Variants in XKR9 observed in about 807,000 individuals in gnomAD.
XKR9 encodes the protein XK-related protein 9.
A neutral mutation model predicts 32.0 loss-of-function variants in XKR9; 32 were observed. The observed-to-expected ratio is 1.00, with a 90% CI of 0.76 to 1.34. The LOEUF (loss-of-function observed/expected upper bound fraction) is 1.34. XKR9 is among the 40% of genes most tolerant of loss of function. The pLI is 0.00. For synonymous variants in XKR9, 168 were observed against 143.4 expected, an observed-to-expected ratio of 1.17 and a Z score of -1.22; for missense variants, 546 against 429.7, an observed-to-expected ratio of 1.27 and a Z score of -2.39.
At chr8:70,833,362 T>G in the XKR9 span, among the ~76,000 whole-genome samples, 2 of 152,208 alleles carry the variant, frequency 1.3e-5, no homozygotes, top group African/African-American at 4.8e-5. Flanking sequence ...CTACATTGTT[T>G]ATTAGTATTC....
the XKR9 span, among the ~76,000 whole-genome samples, chr8:71,030,481 T>G: frequency 8.5e-5 from 13 of 152,270 alleles, no homozygotes; most frequent in South Asian, 6.2e-4. Flanking sequence ...GGCCAGCACT[T>G]TCATCACAGG....
chr8:70,847,429 G>T, the XKR9 span, among the ~76,000 whole-genome samples: 1 of 151,742 alleles, frequency 6.6e-6, no homozygotes, highest in Non-Finnish European at 1.5e-5. Context: ...CAAAGAACTA[G>T]AAAAGCAAGA....
rs2130191973 is a variant in XKR9, at chr8:70,754,743, A to G, written n.353-34596A>G. 2.0e-5 allele frequency among the ~76,000 whole-genome samples: 3 copies of G among 151,296 alleles called. No individual in the cohort carries two copies. The Middle Eastern group carries it at 0.01, about 518-fold the overall frequency. ...AGCTGAAACTGGATCCCTTCCTTAC[A>G]CCTTATACAAAAATTAATTCAAGAT... On this transcript the variant is annotated intron_variant and non_coding_transcript_variant, in intron 2 of 3. Transcript: ENST00000520273.
intron 2 of XKR9, among the ~76,000 whole-genome samples, chr8:70,758,389 A>C (rs776707682): frequency 5.9e-5 from 9 of 152,158 alleles, no homozygotes; most frequent in Non-Finnish European, 1.3e-4. Flanking sequence ...TCTGTACACT[A>C]GTCCCATCAA....
At chr8:70,776,954 T>TATATATATATATATAC (rs1286110884) in intron 2 of XKR9, among the ~76,000 whole-genome samples, 313 of 88,638 alleles carry the variant, frequency 3.5e-3, no homozygotes, top group Middle Eastern at 0.014. Context: ...TCTCTATATA[T>TATATATATATATATAC]ATATATATAT....
chr8:70,795,947 T>G, the XKR9 span, among the ~76,000 whole-genome samples: 2 of 152,134 alleles, frequency 1.3e-5, no homozygotes, highest in African/African-American at 4.8e-5. Context: ...CACTCAACAT[T>G]TGGTAGAAGT....
the XKR9 span, among the ~76,000 whole-genome samples, chr8:70,953,890 G>A: frequency 1.3e-5 from 2 of 152,100 alleles, no homozygotes; most frequent in East Asian, 1.9e-4. Flanking sequence ...GAGGCAAGGC[G>A]GTGGGAAAAC....
the XKR9 span, among the ~76,000 whole-genome samples, chr8:70,859,762 T>C: frequency 3.9e-5 from 6 of 152,106 alleles, no homozygotes; most frequent in African/African-American, 1.4e-4. Context: ...CACATATTCT[T>C]GATCACATTT....
At chr8:71,036,535 CAG>C in the XKR9 span, among the ~76,000 whole-genome samples, 15 of 151,976 alleles carry the variant, frequency 9.9e-5, no homozygotes, top group South Asian at 2.1e-4. Context: ...GGTCAAAGAA[CAG>C]GGGATAATTT....
At chr8:70,809,603 C>G in the XKR9 span, among the ~76,000 whole-genome samples, 6 of 152,106 alleles carry the variant, frequency 3.9e-5, no homozygotes, top group African/African-American at 1.4e-4. Flanking sequence ...CCTTAAAGGA[C>G]CTGATGGAGC....
At chr8:70,876,370 C>T in the XKR9 span, among the ~76,000 whole-genome samples, 6 of 151,872 alleles carry the variant, frequency 4.0e-5, no homozygotes, top group Non-Finnish European at 8.8e-5. Flanking sequence ...CACCACCACC[C>T]CCAGCTAATT....
chr8:70,700,214 A>G (rs962865461), intron 3 of XKR9, among the ~76,000 whole-genome samples: 4 of 152,106 alleles, frequency 2.6e-5, no homozygotes, highest in African/African-American at 2.4e-5. Context: ...GCTTTGTTCC[A>G]TTGCTGGTGA....
chr8:71,021,425 C>T, the XKR9 span, among the ~76,000 whole-genome samples: 2 of 151,650 alleles, frequency 1.3e-5, no homozygotes, highest in South Asian at 4.2e-4. Context: ...GAATATTAGA[C>T]CTTTGTTGGA....
chr8:70,949,245 T>G, the XKR9 span, among the ~76,000 whole-genome samples: 1 of 152,206 alleles, frequency 6.6e-6, no homozygotes. Context: ...GGCAGCATAT[T>G]TCTGCACCGT....
At position 70,677,867 on chromosome 8, in the gene XKR9, A is replaced by G. The variant is rs1339616535; in HGVS notation, c.-278-2914A>G. 1.3e-5 allele frequency among the ~76,000 whole-genome samples: 2 copies of G among 152,342 alleles called. 1 individual carries two copies. The highest frequency in any genetic ancestry group is 1.3e-4 in the Admixed American group (2 of 15,298). On this transcript the variant is annotated intron_variant, in intron 2 of 4. Transcript: ENST00000408926. ...AGCAGTAGTAGCTACTATTACTACC[A>G]TCTATTCTTCTCCTATATAAGCAAT...
chr8:70,859,176 C>A, the XKR9 span, among the ~76,000 whole-genome samples: 189 of 151,922 alleles, frequency 1.2e-3, no homozygotes, highest in Admixed American at 2.2e-3. Context: ...ATAATCCAAT[C>A]AAAATTGGGT....
the XKR9 span, among the ~76,000 whole-genome samples, chr8:70,945,118 C>T: frequency 4.6e-5 from 7 of 152,190 alleles, no homozygotes; most frequent in Non-Finnish European, 8.8e-5. Flanking sequence ...GTATAATTTA[C>T]ACTGTAATAC....
chr8:70,936,268 G>A, the XKR9 span, among the ~76,000 whole-genome samples: 2 of 152,036 alleles, frequency 1.3e-5, no homozygotes, highest in African/African-American at 4.8e-5. Flanking sequence ...AAGTTCAAAA[G>A]GCTTAGCAGA....
At chr8:70,705,082 T>G (rs539059225) in intron 3 of XKR9, among the ~76,000 whole-genome samples, 2 of 152,292 alleles carry the variant, frequency 1.3e-5, no homozygotes, top group African/African-American at 4.8e-5. Flanking sequence ...TATCCATATA[T>G]TTATCTTATT....
Sources: gnomAD v4.1 joint callset for allele counts (sites outside exome capture counted in the v4.1 genomes callset) on GRCh38, gnomAD v4.1.1 for gene constraint, MANE v1.5 for transcripts, NCBI Gene and HGNC (gene_info 2026-07-23, HGNC 2026-07-21) for gene names.